The following BRWD1 variants were observed in gnomAD, a reference collection of about 807,000 sequenced individuals.
BRWD1 encodes the protein bromodomain and WD repeat domain containing 1, also known as bromodomain and WD repeat-containing protein 1.
BRWD1 carries 82 observed loss-of-function variants against 251.2 expected under a neutral mutation model. That is an observed-to-expected ratio of 0.33 (90% CI 0.27 to 0.39). The LOEUF is 0.39. Ranked by LOEUF, BRWD1 falls within the 10% of genes least tolerant of loss-of-function variation. BRWD1 has a pLI of 1.00. For missense variants in BRWD1, 2,233 were observed against 2,711.6 expected (o/e 0.82, Z 3.92); for synonymous variants, 918 against 902.8 (o/e 1.02, Z -0.30).
intron 17 of BRWD1, among the ~76,000 whole-genome samples, chr21:39,261,587 G>A (rs1401245285): frequency 6.6e-6 from 1 of 152,156 alleles, no homozygotes; most frequent in Non-Finnish European, 1.5e-5. Context: ...TCTCAGTATT[G>A]TTATGAAGAT....
chr21:39,254,222 G>A (rs941287738), intron 19 of BRWD1, among the ~76,000 whole-genome samples: 3 of 152,192 alleles, frequency 2.0e-5, no homozygotes, highest in African/African-American at 7.2e-5. Context: ...CCAAGATCGT[G>A]CCATTGCACT....
rs183072548 is a variant in BRWD1, at chr21:39,277,928, A to C, written c.1004-577T>G. Among the ~76,000 whole-genome samples, 5 of 152,280 alleles carry C rather than the reference A, an allele frequency of 3.3e-5. No individual in the cohort carries two copies. The East Asian group carries it at 9.7e-4, about 29-fold the overall frequency. On this transcript the variant is annotated intron_variant, in intron 10 of 40. Transcript: ENST00000342449. ...CAGTGGTGTGACCATGGCTCACTGC[A>C]GCCTCAACCTCCTGGACACAAGCAA...
intron 38 of BRWD1, among the ~76,000 whole-genome samples, chr21:39,201,765 T>C (rs1176725230): frequency 6.6e-6 from 1 of 152,250 alleles, no homozygotes; most frequent in Non-Finnish European, 1.5e-5. Flanking sequence ...TCTGTATGTA[T>C]ATTTTTCAAT....
intron 29 of BRWD1, among the ~76,000 whole-genome samples, chr21:39,221,390 T>C (rs2033172023): frequency 1.3e-5 from 2 of 152,056 alleles, no homozygotes; most frequent in Non-Finnish European, 2.9e-5. Flanking sequence ...AAAGCAATAA[T>C]AACTAATATT....
chr21:39,313,354 G>GGACCGGGGA, intron 1 of BRWD1, 55 bp from the exon 2 acceptor site: 1 of 1,466,334 alleles, frequency 6.8e-7, no homozygotes, highest in Admixed American at 2.3e-5. Flanking sequence ...AGGGGGACGG[G>GGACCGGGGA]GCCAGGGGAG....
At chr21:39,280,067 T>C (rs1457515533) in intron 9 of BRWD1, 81 bp downstream of exon 9, 3 of 1,051,914 alleles carry the variant, frequency 2.9e-6, no homozygotes, top group South Asian at 3.4e-5. Context: ...CAATTTCTCA[T>C]AACAATAAAA....
chr21:39,314,629 C>G (rs1345156196), upstream of BRWD1: 2 of 339,986 alleles, frequency 5.9e-6, no homozygotes, highest in Non-Finnish European at 1.2e-5. Flanking sequence ...GCGCATCCAG[C>G]CTGCCCTGCT....
At chr21:39,296,598 A>C (rs536143991) in intron 5 of BRWD1, 17 of 1,112,996 alleles carry the variant, frequency 1.5e-5, no homozygotes, top group Non-Finnish European at 1.9e-5. Context: ...TACAATTCAC[A>C]AAGTGCTTTC....
intron 40 of BRWD1, 130 bp from the exon 41 acceptor site, chr21:39,197,545 C>T: frequency 1.4e-6 from 1 of 694,104 alleles, no homozygotes; most frequent in Non-Finnish European, 2.4e-6. Context: ...ATGGTACACA[C>T]CTATTAGTAT....
intron 15 of BRWD1, among the ~76,000 whole-genome samples, chr21:39,268,167 C>G (rs539852177): frequency 1.3e-5 from 2 of 152,096 alleles, no homozygotes; most frequent in Admixed American, 1.3e-4. Context: ...CTCAAAAGCG[C>G]TACTAAAAAA....
intron 13 of BRWD1, 126 bp from the exon 14 acceptor site, chr21:39,270,559 G>A: frequency 1.4e-6 from 1 of 737,314 alleles, no homozygotes; most frequent in Non-Finnish European, 2.1e-6. Flanking sequence ...CCTACAGTGA[G>A]TTCATCACAG....
At chr21:39,271,753 A>C (rs2035114961) in intron 13 of BRWD1, among the ~76,000 whole-genome samples, 1 of 151,532 alleles carries the variant, frequency 6.6e-6, no homozygotes, top group South Asian at 2.1e-4. Context: ...TTTAATTAAC[A>C]AAGGCTGGGC....
At chr21:39,277,615 G>A (rs1419260123) in intron 10 of BRWD1, among the ~76,000 whole-genome samples, 1 of 152,118 alleles carries the variant, frequency 6.6e-6, no homozygotes, top group Admixed American at 6.6e-5. Context: ...CCAGTCTGGA[G>A]CCCAATGGTG....
chr21:39,241,453 G>A (rs1005882206), intron 21 of BRWD1, among the ~76,000 whole-genome samples: 1 of 94,700 alleles, frequency 1.1e-5, no homozygotes, highest in African/African-American at 4.0e-5. Flanking sequence ...GGGCAACAGA[G>A]CAAGATTCCA....
intron 21 of BRWD1, among the ~76,000 whole-genome samples, chr21:39,244,599 C>T (rs1033993637): frequency 6.6e-6 from 1 of 152,060 alleles, no homozygotes; most frequent in East Asian, 1.9e-4. Context: ...TTTTGTATAT[C>T]CTTGACAGTA....
intron 8 of BRWD1, among the ~76,000 whole-genome samples, chr21:39,291,879 G>A (rs956959268): frequency 1.3e-5 from 2 of 152,116 alleles, no homozygotes; most frequent in African/African-American, 4.8e-5. Flanking sequence ...ATTCCCCTGG[G>A]GAGCCAGCCA....
chr21:39,261,600 C>T (rs1245762910), intron 17 of BRWD1, among the ~76,000 whole-genome samples: 1 of 152,160 alleles, frequency 6.6e-6, no homozygotes, highest in Non-Finnish European at 1.5e-5. Flanking sequence ...ATGAAGATGG[C>T]TGTGACCTTG....
At chr21:39,312,566 G>GCCGCACCTGGAGCC (rs951698894) in intron 4 of BRWD1, 2 of 330,168 alleles carry the variant, frequency 6.1e-6, no homozygotes, top group African/African-American at 2.2e-5. Context: ...CGCAGAGGCG[G>GCCGCACCTGGAGCC]CCGCACCTGG....
intron 37 of BRWD1, among the ~76,000 whole-genome samples, chr21:39,203,862 A>T (rs1011767569): frequency 6.8e-6 from 1 of 147,718 alleles, no homozygotes; most frequent in Non-Finnish European, 1.5e-5. Flanking sequence ...GAACAAAAGT[A>T]AATATAAGGC....
Sources: allele counts gnomAD v4.1 joint callset (sites outside exome capture counted in the v4.1 genomes callset), GRCh38; gene constraint gnomAD v4.1.1; transcripts MANE v1.5; gene names NCBI Gene and HGNC (gene_info 2026-07-23, HGNC 2026-07-21).